The following TARBP1 variants were observed in gnomAD, a reference collection of about 807,000 sequenced individuals.
The protein encoded by TARBP1 is tRNA guanosine 2 -O-methyltransferase TARBP1.
In TARBP1, 144 loss-of-function variants were observed where a neutral mutation model predicts 178.6. That is an observed-to-expected ratio of 0.81 (90% CI 0.70 to 0.93). The LOEUF (loss-of-function observed/expected upper bound fraction) is 0.93, where lower values mean the gene tolerates loss of function less well. Among genes scored for constraint, TARBP1 ranks in the 40% least tolerant of loss-of-function variants. The pLI is 0.00. For missense variants in TARBP1, 2,067 were observed against 2,011.7 expected, an observed-to-expected ratio of 1.03 and a Z score of -0.53; for synonymous variants, 787 against 781.0, an observed-to-expected ratio of 1.01 and a Z score of -0.13.
In TARBP1 at chr1:234,433,428, T is replaced by C; in HGVS notation, c.2376A>G (p.Gln792=). 1 of 1,613,994 alleles carries C rather than the reference T, an allele frequency of 6.2e-7. No homozygotes were observed. The highest frequency in any genetic ancestry group is 8.5e-7 in the Non-Finnish European group (1 of 1,179,996). ...LLKNASIQHL[Q]EMDSGQEPTV... Reference sequence around the variant, plus strand: ...GGCTTACCTGTCCACTGTCCATCTCTTGAAGATGCTGAATGGATGCATTTT... The same window carrying C: ...GGCTTACCTGTCCACTGTCCATCTCCTGAAGATGCTGAATGGATGCATTTT... The change falls in exon 14 of 30, where the codon CAA becomes CAG. Residue 792 remains glutamine, a synonymous_variant. Coordinates refer to ENST00000040877, the MANE Select transcript of TARBP1 (RefSeq NM_005646.4).
chr1:234,474,288 A>ACACACAC (rs1558264943), intron 1 of TARBP1, among the ~76,000 whole-genome samples: 4 of 143,004 alleles, frequency 2.8e-5, no homozygotes, highest in East Asian at 3.9e-4. Context: ...ACACACACAC[A>ACACACAC]AAGGGGACAT....
In TARBP1 at chr1:234,443,841, T is replaced by C. The variant is rs1173939709; in HGVS notation, c.2134+2962A>G. 4.6e-5 allele frequency among the ~76,000 whole-genome samples: 7 copies of C among 152,218 alleles called. No homozygotes were observed. The East Asian group carries it at 1.2e-3, about 25-fold the overall frequency. On this transcript the variant is annotated intron_variant, in intron 12 of 29. Transcript: ENST00000040877. ...CCAGAAGACATGGTGTTCAGTGAAA[T>C]AAAAATAAGTCAGACACAAAAGGAC...
chr1:234,466,382 T>G (rs1018448049), intron 4 of TARBP1, among the ~76,000 whole-genome samples: 3 of 151,822 alleles, frequency 2.0e-5, no homozygotes, highest in African/African-American at 4.8e-5. Context: ...CATGGTGGCG[T>G]GCACCTGTAG....
rs773383688 is a variant in TARBP1 at position 234,427,658 on chromosome 1, C to G, written c.3169G>C (p.Gly1057Arg). 6.3e-7 allele frequency: 1 copy of G among 1,590,910 alleles called. No homozygotes were observed. Among genetic ancestry groups the G allele is most frequent in the Non-Finnish European group, 8.5e-7 (1 of 1,173,194 alleles). ...TAATTTTTAGCACTTGATAAAGATC[C>G]TTGGGACACATTTGAAGCAGACACT... ...WIVSASNVSQGSLSSAKNYSE... is the reference protein window; with the variant it reads ...WIVSASNVSQRSLSSAKNYSE... Residue 1057 changes from glycine to arginine, a missense_variant, in exon 18 of 30, where the codon GGA (glycine) becomes CGA (arginine). By Grantham distance (125) the Gly-to-Arg change is moderately radical. Coordinates refer to ENST00000040877, the MANE Select transcript of TARBP1 (RefSeq NM_005646.4).
At chr1:234,438,771 A>C (rs1665291270) in intron 12 of TARBP1, among the ~76,000 whole-genome samples, 1 of 152,232 alleles carries the variant, frequency 6.6e-6, no homozygotes, top group South Asian at 2.1e-4. Context: ...AAAGGGTATA[A>C]ACCTACAGAT....
At chr1:234,460,168 C>T (rs1667703915) in intron 7 of TARBP1, 93 bp downstream of exon 7, 11 of 1,351,106 alleles carry the variant, frequency 8.1e-6, no homozygotes, top group Non-Finnish European at 1.1e-5. Context: ...TAACTATATC[C>T]ATTTACTGTA....
chr1:234,416,066 G>A (rs3754313), intron 22 of TARBP1, among the ~76,000 whole-genome samples: 26,833 of 152,164 alleles, frequency 0.18, 2,522 homozygotes, highest in East Asian at 0.31. Flanking sequence ...GCAAATAAAA[G>A]TAACAACTGG....
At chr1:234,414,573 C>CA in intron 22 of TARBP1, among the ~76,000 whole-genome samples, 1 of 152,152 alleles carries the variant, frequency 6.6e-6, no homozygotes, top group Non-Finnish European at 1.5e-5. Context: ...CAGAAGAAGA[C>CA]AAAGGCTGAC....
At position 234,478,807 on chromosome 1, in the gene TARBP1, C is replaced by T. The variant is rs1669842409; in HGVS notation, c.297G>A (p.Ala99=). 1 of 1,150,354 alleles carries T rather than the reference C, an allele frequency of 8.7e-7. No homozygotes were observed. The highest frequency in any genetic ancestry group is 4.4e-5 in the East Asian group (1 of 22,490). 71.3% of individuals were successfully genotyped at this position (1,150,354 alleles called of 1,614,324 possible). A position where few individuals can be genotyped will look rare whatever the true frequency, so the allele number is the denominator to read the frequency against. Residue 99 remains alanine, a synonymous_variant, in exon 1 of 30, where the codon GCG becomes GCA. Coordinates refer to ENST00000040877, the MANE Select transcript of TARBP1 (RefSeq NM_005646.4). ...CGCACGAGCGCAGGGCCGCGCCCGC[C>T]GCCCTCAGCACGCGCCGGCGGTGGC... The part of the protein sequence containing the change: ...QPRHRRRVLR[A]AGAALRSCVR...
Position 234,430,178 on chromosome 1 carries a change from T to G in TARBP1, c.2518A>C (p.Ser840Arg). ...LDSLHAGPLESFLSSLQLNQT... is the reference protein window; with the variant it reads ...LDSLHAGPLERFLSSLQLNQT... ...TTGAGCTGAAGAGAGGAAAGGAAGC[T>G]TTCCAGGGGCCCAGCATGGAGAGAG... Residue 840 changes from serine (S) to arginine (R), a missense_variant, in exon 15 of 30, where the codon AGC becomes CGC. Physicochemically the swap from Ser to Arg is moderately radical, Grantham distance 110. Transcript: ENST00000040877. 1 of 1,614,216 alleles carries G rather than the reference T, an allele frequency of 6.2e-7. No homozygotes were observed. The highest frequency in any genetic ancestry group is 2.2e-5 in the East Asian group (1 of 44,884).
chr1:234,400,672 A>G (rs1660589801), intron 25 of TARBP1, among the ~76,000 whole-genome samples: 1 of 152,108 alleles, frequency 6.6e-6, no homozygotes, highest in Admixed American at 6.5e-5. Flanking sequence ...TTACATGTTA[A>G]TCATAATAAG....
intron 20 of TARBP1, among the ~76,000 whole-genome samples, chr1:234,421,533 T>G (rs994605313): frequency 1.3e-5 from 2 of 152,172 alleles, no homozygotes; most frequent in Non-Finnish European, 2.9e-5. Context: ...CGTGTCATAT[T>G]CACATTTGGA....
In TARBP1 at chr1:234,398,522, C is replaced by T; in HGVS notation, c.4103G>A (p.Gly1368Asp). The change falls in exon 26 of 30, where the codon GGC (glycine) becomes GAC (aspartate). Residue 1368 changes from glycine to aspartate, a missense_variant. Gly to Asp is a moderately conservative substitution (Grantham distance 94). Coordinates refer to ENST00000040877, the MANE Select transcript of TARBP1 (RefSeq NM_005646.4). ...TIFYILPRLS[G>D]LIEDEWITID... ...GGTGATCCATTCATCTTCAATAAGGCCTGAAAGGCGTGGAAGGATGTAAAA... is the reference window on the plus strand; with the variant it reads ...GGTGATCCATTCATCTTCAATAAGGTCTGAAAGGCGTGGAAGGATGTAAAA... The T allele has an allele frequency of 1.2e-6, 2 of 1,605,232 alleles. No homozygotes were observed. The highest frequency in any genetic ancestry group is 1.7e-6 in the Non-Finnish European group (2 of 1,174,372).
At chr1:234,429,387 T>G in intron 16 of TARBP1, 29 bp downstream of exon 16, 3 of 1,585,566 alleles carry the variant, frequency 1.9e-6, no homozygotes, top group Non-Finnish European at 2.6e-6. Context: ...CTATAGTTAC[T>G]GTTCAATTCA....
intron 3 of TARBP1, among the ~76,000 whole-genome samples, chr1:234,470,885 G>A (rs897665881): frequency 8.6e-5 from 13 of 152,028 alleles, no homozygotes; most frequent in African/African-American, 2.9e-4. Flanking sequence ...CAAAGTGCTG[G>A]GATTACAGGC....
At chr1:234,440,230 G>A (rs971837663) in intron 12 of TARBP1, among the ~76,000 whole-genome samples, 6 of 152,016 alleles carry the variant, frequency 3.9e-5, no homozygotes, top group African/African-American at 1.2e-4. Context: ...TAATAGCACT[G>A]TCATTTCAGA....
Position 234,429,344 on chromosome 1 carries a change from T to G in TARBP1, c.2872-20A>C. ...CAGAAGCTGGTAGGAAAAAAAAAAA[T>G]ACATACTTATTTCAAAAACTTGATC... On this transcript the variant is annotated intron_variant, in intron 16 of 29. Coordinates refer to ENST00000040877, the MANE Select transcript of TARBP1 (RefSeq NM_005646.4). 2 of 1,514,272 alleles carry G rather than the reference T, an allele frequency of 1.3e-6. No individual in the cohort carries two copies. Among genetic ancestry groups the G allele is most frequent in the Non-Finnish European group, 1.8e-6 (2 of 1,125,002 alleles). 93.8% of individuals were successfully genotyped at this position (1,514,272 alleles called of 1,614,324 possible).
At position 234,433,419 on chromosome 1, in the gene TARBP1, G is replaced by C. The variant is rs2103143749; in HGVS notation, c.2385C>G (p.Asp795Glu). 6.2e-7 allele frequency: 1 copy of C among 1,613,844 alleles called. No homozygotes were observed. Among genetic ancestry groups the C allele is most frequent in the East Asian group, 2.2e-5 (1 of 44,864 alleles). The change falls in exon 14 of 30, where the codon GAC (aspartate) becomes GAG (glutamate). Residue 795 changes from aspartate (D) to glutamate (E), a missense_variant. Asp to Glu is a conservative substitution (Grantham distance 45, BLOSUM62 2). Transcript: ENST00000040877. ...AATCAAAGAGGCTTACCTGTCCACTGTCCATCTCTTGAAGATGCTGAATGG... is the reference window on the plus strand; with the variant it reads ...AATCAAAGAGGCTTACCTGTCCACTCTCCATCTCTTGAAGATGCTGAATGG... ...NASIQHLQEM[D>E]SGQEPTVGSQ... is the part of the protein sequence containing the mutation.
intron 20 of TARBP1, among the ~76,000 whole-genome samples, chr1:234,425,246 C>A (rs1175483780): frequency 6.6e-6 from 1 of 152,022 alleles, no homozygotes; most frequent in African/African-American, 2.4e-5. Context: ...GAAGAAAAAA[C>A]AAACAAACAA....
Sources: allele counts gnomAD v4.1 joint callset (sites outside exome capture counted in the v4.1 genomes callset), GRCh38; gene constraint gnomAD v4.1.1; transcripts MANE v1.5; gene names NCBI Gene and HGNC (gene_info 2026-07-23, HGNC 2026-07-21).